TNRC18: variants seen among roughly 807,000 people sequenced by gnomAD.
The protein encoded by TNRC18 is trinucleotide repeat containing 18.
Under a neutral mutation model 226.7 loss-of-function variants are expected in TNRC18, and 69 were observed. The ratio of observed to expected loss-of-function variants is 0.30; its 90% CI spans 0.25 to 0.37. The LOEUF is 0.37. Ranked by LOEUF, TNRC18 falls within the 10% of genes least tolerant of loss-of-function variation. The pLI, the probability that TNRC18 is intolerant of heterozygous loss-of-function variation, is 1.00. For missense variants in TNRC18, 4,754 were observed against 4,256.6 expected (o/e 1.12, Z -3.25); for synonymous variants, 2,449 against 1,927.6 (o/e 1.27, Z -7.09).
rs199804427 is a variant in TNRC18 at position 5,394,564 on chromosome 7, G to A, written c.219C>T (p.Ser73=). The part of the protein sequence containing the change: ...GEAFLGSFVA[S]GMGPSASSHG... ...GGGACGAGGCCGAGGGCCCCATCCC[G>A]CTGGCCACAAAGCTGCCCAAGAAGG... Residue 73 remains serine (S), a synonymous_variant, in exon 3 of 30, where the codon AGC becomes AGT. Coordinates refer to ENST00000430969, the MANE Select transcript of TNRC18 (RefSeq NM_001080495.3). The surrounding 1 kb of genome is among the most constrained non-coding windows in gnomAD (Gnocchi z 4.5). 472 of 1,549,530 alleles carry A rather than the reference G, an allele frequency of 3.0e-4. 4 individuals carry two copies. In the African/African-American group the frequency reaches 5.2e-3, roughly 17 times the overall value.
At position 5,312,717 on chromosome 7, in the gene TNRC18, T is replaced by C; in HGVS notation, c.8174A>G (p.Gln2725Arg). 6.4e-7 allele frequency: 1 copy of C among 1,573,568 alleles called. No individual in the cohort carries two copies. Among genetic ancestry groups the C allele is most frequent in the Non-Finnish European group, 8.6e-7 (1 of 1,162,440 alleles). Residue 2725 changes from glutamine to arginine, a missense_variant, in exon 27 of 30, where the codon CAG becomes CGG. Transcript: ENST00000430969. This position sits in a 1 kb window ranked among gnomAD's most constrained non-coding sequence, Gnocchi z 6.3. ...HSPGKKTPAP[Q>R]PQAPPPQPTQ... is the part of the protein sequence containing the mutation. Reference sequence around the variant, plus strand: ...GGGCTGCGGAGGAGGCGCCTGGGGCTGGGGCGCGGGCGTCTTCTTGCCTGG... The same window carrying C: ...GGGCTGCGGAGGAGGCGCCTGGGGCCGGGGCGCGGGCGTCTTCTTGCCTGG...
chr7:5,355,336 G>A (rs1035435841), intron 16 of TNRC18, among the ~76,000 whole-genome samples: 5 of 152,214 alleles, frequency 3.3e-5, no homozygotes, highest in African/African-American at 1.2e-4. Context: ...CATTTCAAGA[G>A]CTCAATAGCA....
At chr7:5,402,063 C>T (rs1781133634) in intron 2 of TNRC18, among the ~76,000 whole-genome samples, 1 of 151,706 alleles carries the variant, frequency 6.6e-6, no homozygotes. Flanking sequence ...CCTGTAGTCC[C>T]AGCTACTCCG....
chr7:5,358,082 G>C (rs2128156490), intron 15 of TNRC18, among the ~76,000 whole-genome samples: 1 of 152,278 alleles, frequency 6.6e-6, no homozygotes, highest in Admixed American at 6.5e-5. Flanking sequence ...AAGCGCAGCT[G>C]ATATGCCTAT....
intron 19 of TNRC18, among the ~76,000 whole-genome samples, chr7:5,331,676 C>CT (rs1276982252): frequency 1.3e-5 from 2 of 152,314 alleles, no homozygotes; most frequent in African/African-American, 4.8e-5. Context: ...AATCTCAACA[C>CT]TTTGAGAGGC....
chr7:5,406,554 A>G (rs1781477687), intron 2 of TNRC18, among the ~76,000 whole-genome samples: 1 of 151,926 alleles, frequency 6.6e-6, no homozygotes, highest in African/African-American at 2.4e-5. Context: ...ACAGAGACAG[A>G]AAGCAGTAAG....
In TNRC18 at chr7:5,313,372, C is replaced by T. The variant is rs552829376; in HGVS notation, c.7519G>A (p.Ala2507Thr). 807 of 1,581,208 alleles carry T rather than the reference C, an allele frequency of 5.1e-4. 11 individuals carry two copies. In the South Asian group the frequency reaches 8.7e-3, roughly 17 times the overall value. Residue 2507 changes from alanine (A) to threonine (T), a missense_variant, in exon 27 of 30, where the codon GCG becomes ACG. Coordinates refer to ENST00000430969, the MANE Select transcript of TNRC18 (RefSeq NM_001080495.3). ...SLLSLGSYPP[A>T]AGSSEPKAPW... ...GCCTTGGGCTCGCTGCTGCCGGCCG[C>T]GGGGGGATAGCTGCCCAGGCTCAGG...
At chr7:5,373,117 G>A (rs1227514673) in intron 10 of TNRC18, among the ~76,000 whole-genome samples, 2 of 152,012 alleles carry the variant, frequency 1.3e-5, no homozygotes, top group African/African-American at 2.4e-5. Context: ...AAGATTGCCC[G>A]ACTGCACTCC....
chr7:5,328,281 G>C (rs947417358), intron 19 of TNRC18, among the ~76,000 whole-genome samples: 1 of 152,082 alleles, frequency 6.6e-6, no homozygotes, highest in African/African-American at 2.4e-5. Context: ...CCAACGCTTC[G>C]GGAGGCCAAG....
intron 18 of TNRC18, among the ~76,000 whole-genome samples, chr7:5,333,448 G>C (rs1410598856): frequency 6.6e-6 from 1 of 152,178 alleles, no homozygotes; most frequent in Admixed American, 6.5e-5. Context: ...CCCAAGCCCC[G>C]CTCGCCTTCT....
chr7:5,340,694 G>C (rs1277030025), intron 18 of TNRC18, among the ~76,000 whole-genome samples: 1 of 150,686 alleles, frequency 6.6e-6, no homozygotes, highest in Admixed American at 6.6e-5. Flanking sequence ...AGTGAGCTGA[G>C]ATTGCACCAC....
rs1419265767 is a variant in TNRC18, at chr7:5,307,179, TA to T, written c.*926del. 1 of 146,816 alleles carries T rather than the reference TA, an allele frequency of 6.8e-6. No homozygotes were observed. Among genetic ancestry groups the T allele is most frequent in the East Asian group, 1.9e-4 (1 of 5,146 alleles). 9.1% of individuals were successfully genotyped at this position (146,816 alleles called of 1,614,324 possible). On this transcript the variant is annotated 3_prime_UTR_variant, in exon 30 of 30. Coordinates refer to ENST00000430969, the MANE Select transcript of TNRC18 (RefSeq NM_001080495.3). The stretch of plus-strand genomic sequence containing the variant: ...CTAGACACTATAATCTAACAGGAAA[TA>T]AAAAATAATATTCTGCACGTCAGAA...
At chr7:5,321,247 C>A in intron 21 of TNRC18, 57 bp from the exon 22 acceptor site, 1 of 1,284,248 alleles carries the variant, frequency 7.8e-7, no homozygotes, top group Non-Finnish European at 1.1e-6. Context: ...CGACACCTCT[C>A]CCTCCTCCCG....
intron 11 of TNRC18, among the ~76,000 whole-genome samples, chr7:5,364,823 AAG>A (rs1793457395): frequency 1.3e-5 from 2 of 151,258 alleles, no homozygotes; most frequent in Admixed American, 6.6e-5. Flanking sequence ...AAAAAAAAAA[AAG>A]ATCTCAATCA....
chr7:5,347,571 G>A (rs566001492), intron 17 of TNRC18, among the ~76,000 whole-genome samples: 32 of 152,184 alleles, frequency 2.1e-4, no homozygotes, highest in African/African-American at 7.2e-4. Context: ...AGGCAGAAGC[G>A]GGAGGATCGC....
At chr7:5,347,189 A>AT (rs1317535974) in intron 17 of TNRC18, among the ~76,000 whole-genome samples, 4,949 of 132,220 alleles carry the variant, frequency 0.037, 196 homozygotes, top group African/African-American at 0.098. Flanking sequence ...AAAAAAAAAA[A>AT]TTTTTTTTTT....
chr7:5,383,685 C>T (rs1039733852), intron 5 of TNRC18, among the ~76,000 whole-genome samples: 2 of 152,152 alleles, frequency 1.3e-5, no homozygotes, highest in African/African-American at 4.8e-5. Context: ...GGGCGTCTCT[C>T]TCCTCCCTCC....
chr7:5,376,159 G>A lies in TNRC18; in HGVS notation c.2674C>T (p.Pro892Ser). The A allele has an allele frequency of 6.3e-7, 1 of 1,581,596 alleles. No individual in the cohort carries two copies. The highest frequency in any genetic ancestry group is 8.6e-7 in the Non-Finnish European group (1 of 1,165,026). Reference protein sequence around the residue: ...WPALYPPGRSPLHHAQQLQLF... With the variant: ...WPALYPPGRSSLHHAQQLQLF... ...TGCAGCTGCTGGGCGTGGTGCAGGG[G>A]GCTGCGGCCCGGCGGGTACAGGGCG... The change falls in exon 9 of 30, where the codon CCC becomes TCC. Residue 892 changes from proline (P) to serine (S), a missense_variant. Pro to Ser is a moderately conservative substitution (Grantham distance 74, BLOSUM62 -1). Transcript: ENST00000430969.
Position 5,371,003 on chromosome 7 carries a change from T to C in TNRC18, c.3591A>G (p.Gly1197=), listed in dbSNP as rs900141258. 3.7e-6 allele frequency: 6 copies of C among 1,607,490 alleles called. No homozygotes were observed. Among genetic ancestry groups the C allele is most frequent in the Middle Eastern group, 3.3e-4 (2 of 6,082 alleles). The change falls in exon 11 of 30, where the codon GGA becomes GGG. Residue 1197 remains glycine (G), a synonymous_variant. Transcript: ENST00000430969. ...GCGCCTGGGCCTCCAACAGGCCACC[T>C]CCACAACCCCCTGCAGGGCTGGGGG... ...MATPSPAGGC[G]GGLLEAQALS...
Sources: allele counts gnomAD v4.1 joint callset (sites outside exome capture counted in the v4.1 genomes callset), GRCh38; gene constraint gnomAD v4.1.1; non-coding constraint Gnocchi (gnomAD v3.1); transcripts MANE v1.5; gene names NCBI Gene and HGNC (gene_info 2026-07-23, HGNC 2026-07-21).